The following ZBTB20 variants were observed in gnomAD, a reference collection of about 807,000 sequenced individuals.
ZBTB20 encodes the protein zinc finger and BTB domain containing 20.
Under a neutral mutation model 56.9 loss-of-function variants are expected in ZBTB20, and 9 were observed. That is an observed-to-expected ratio of 0.16 (90% CI 0.10 to 0.28). The LOEUF is 0.28. Ranked by LOEUF, ZBTB20 falls within the 10% of genes least tolerant of loss-of-function variation. The pLI is 1.00. For missense variants in ZBTB20, 655 were observed against 1,003.0 expected (o/e 0.65, Z 4.69); for synonymous variants, 417 against 420.7 (o/e 0.99, Z 0.11).
At chr3:114,538,671 C>A (rs1051532997) in intron 6 of ZBTB20, among the ~76,000 whole-genome samples, 2 of 152,138 alleles carry the variant, frequency 1.3e-5, no homozygotes, top group Non-Finnish European at 2.9e-5. Context: ...ATATTCTGCT[C>A]TCTGTCTAAG....
At chr3:114,882,350 A>C (rs913820263) in intron 4 of ZBTB20, among the ~76,000 whole-genome samples, 1 of 152,036 alleles carries the variant, frequency 6.6e-6, no homozygotes, top group African/African-American at 2.4e-5. Context: ...TAATGTTGTT[A>C]CATGTGTGTG....
intron 6 of ZBTB20, among the ~76,000 whole-genome samples, chr3:114,508,156 C>T (rs1011436589): frequency 6.6e-6 from 1 of 152,002 alleles, no homozygotes; most frequent in African/African-American, 2.4e-5. Context: ...TTTCCTGGAC[C>T]ATCTTCAAAG....
chr3:114,332,310 G>A lies in ZBTB20; in HGVS notation c.*6695C>T, dbSNP rs1187120032. 6.6e-6 allele frequency: 1 copy of A among 152,006 alleles called. No homozygotes were observed. Among genetic ancestry groups the A allele is most frequent in the Non-Finnish European group, 1.5e-5 (1 of 67,976 alleles). 9.4% of individuals were successfully genotyped at this position (152,006 alleles called of 1,614,324 possible). A position where few individuals can be genotyped will look rare whatever the true frequency, so the allele number is the denominator to read the frequency against. On this transcript the variant is annotated 3_prime_UTR_variant, in exon 12 of 12. Coordinates refer to ENST00000675478, the MANE Select transcript of ZBTB20 (RefSeq NM_001348800.3). ...CAAAGAACCACCAGATAAAACAGAT[G>A]TTCTCTAAAACTGAGGAAAAAAAGT...
chr3:114,424,720 G>A (rs943284544), intron 7 of ZBTB20, among the ~76,000 whole-genome samples: 4 of 151,944 alleles, frequency 2.6e-5, no homozygotes, highest in African/African-American at 9.7e-5. Context: ...TCAAGTTTAC[G>A]GTCTTTACTT....
intron 2 of ZBTB20, among the ~76,000 whole-genome samples, chr3:114,978,237 A>G (rs2078185120): frequency 6.7e-6 from 1 of 149,198 alleles, no homozygotes; most frequent in African/African-American, 2.4e-5. Flanking sequence ...ATGCATTTAT[A>G]AATATATTTA....
intron 2 of ZBTB20, among the ~76,000 whole-genome samples, chr3:115,070,505 A>C (rs1206758703): frequency 6.6e-6 from 1 of 152,134 alleles, no homozygotes; most frequent in African/African-American, 2.4e-5. Flanking sequence ...GAATAACCTA[A>C]GAGGGAGTCT....
chr3:114,863,124 C>T (rs1576151715), intron 4 of ZBTB20, among the ~76,000 whole-genome samples: 1 of 152,076 alleles, frequency 6.6e-6, no homozygotes, highest in African/African-American at 2.4e-5. Flanking sequence ...ACTAAGGCTT[C>T]AATTACTTGG....
At chr3:114,508,418 TA>T (rs928333362) in intron 6 of ZBTB20, among the ~76,000 whole-genome samples, 4 of 152,142 alleles carry the variant, frequency 2.6e-5, no homozygotes, top group Admixed American at 6.6e-5. Flanking sequence ...CCACTTTTCT[TA>T]AATAGAAGAT....
intron 1 of ZBTB20, among the ~76,000 whole-genome samples, chr3:115,106,611 G>A (rs1219684205): frequency 6.6e-6 from 1 of 152,084 alleles, no homozygotes; most frequent in Non-Finnish European, 1.5e-5. Flanking sequence ...AGTAGGCCAG[G>A]AGTACCATCC....
intron 3 of ZBTB20, among the ~76,000 whole-genome samples, chr3:114,952,204 G>A (rs2077090924): frequency 6.6e-6 from 1 of 152,072 alleles, no homozygotes. Context: ...TGAGTATCAG[G>A]ACCTTTAAGA....
At chr3:114,697,861 T>A (rs1283301925) in intron 5 of ZBTB20, among the ~76,000 whole-genome samples, 2 of 152,114 alleles carry the variant, frequency 1.3e-5, no homozygotes, top group African/African-American at 4.8e-5. Flanking sequence ...AGGTTCATTT[T>A]TATTCCTATA....
intron 5 of ZBTB20, among the ~76,000 whole-genome samples, chr3:114,721,552 T>C: frequency 6.6e-6 from 1 of 152,236 alleles, no homozygotes; most frequent in East Asian, 1.9e-4. Context: ...TTAATCTCCA[T>C]GCTAACCCTA....
At chr3:114,367,733 G>A (rs2108402299) in intron 10 of ZBTB20, among the ~76,000 whole-genome samples, 1 of 152,154 alleles carries the variant, frequency 6.6e-6, no homozygotes, top group African/African-American at 2.4e-5. Flanking sequence ...CTGTAAATGG[G>A]GTGTTTTGTA....
chr3:114,735,039 C>T (rs575272109), intron 5 of ZBTB20, among the ~76,000 whole-genome samples: 1 of 151,360 alleles, frequency 6.6e-6, no homozygotes, highest in South Asian at 2.1e-4. Flanking sequence ...TTTTTTTTCC[C>T]ATCAGCGTTA....
chr3:114,891,628 T>G (rs2076809715), intron 4 of ZBTB20, among the ~76,000 whole-genome samples: 1 of 152,234 alleles, frequency 6.6e-6, no homozygotes, highest in Non-Finnish European at 1.5e-5. Flanking sequence ...TATATTGTCT[T>G]TACCATGACC....
In ZBTB20 at chr3:114,329,457, T is replaced by C. The variant is rs2079166270; in HGVS notation, c.*9548A>G. 6.6e-6 allele frequency: 1 copy of C among 152,010 alleles called. No homozygotes were observed. The allele number at this position is 152,010 out of a possible 1,614,324, so 9.4% of individuals were successfully genotyped here. A position where few individuals can be genotyped will look rare whatever the true frequency, so the allele number is the denominator to read the frequency against. On this transcript the variant is annotated 3_prime_UTR_variant, in exon 12 of 12. Coordinates refer to ENST00000675478, the MANE Select transcript of ZBTB20 (RefSeq NM_001348800.3). ...TGAAGACTCTTATCTGAAAATATGA[T>C]CTGAAAATATTTATTGTATAGGAAG...
intron 6 of ZBTB20, among the ~76,000 whole-genome samples, chr3:114,686,920 A>T (rs2062375250): frequency 6.6e-6 from 1 of 152,136 alleles, no homozygotes; most frequent in Admixed American, 6.6e-5. Context: ...GTGATATGAT[A>T]GTGAACCTTC....
chr3:114,318,551 C>T lies in ZBTB20; in HGVS notation c.*20454G>A, dbSNP rs1302617683. 6.6e-6 allele frequency: 1 copy of T among 152,232 alleles called. No individual in the cohort carries two copies. The highest frequency in any genetic ancestry group is 1.5e-5 in the Non-Finnish European group (1 of 68,050). The allele number at this position is 152,232 out of a possible 1,614,324, so 9.4% of individuals were successfully genotyped here. On this transcript the variant is annotated 3_prime_UTR_variant, in exon 12 of 12. Coordinates refer to ENST00000675478, the MANE Select transcript of ZBTB20 (RefSeq NM_001348800.3). ...CCCACTGAGAGGGTGAAGTCCCACTCACATTTTACTTCGTGAGACCTCAAC... is the reference window on the plus strand; with the variant it reads ...CCCACTGAGAGGGTGAAGTCCCACTTACATTTTACTTCGTGAGACCTCAAC...
intron 7 of ZBTB20, among the ~76,000 whole-genome samples, chr3:114,408,265 G>C (rs1309377699): frequency 6.6e-6 from 1 of 152,166 alleles, no homozygotes; most frequent in Non-Finnish European, 1.5e-5. Context: ...CAGAGAATTT[G>C]CAAGAAACTT....
Sources: allele counts gnomAD v4.1 joint callset (sites outside exome capture counted in the v4.1 genomes callset), GRCh38; gene constraint gnomAD v4.1.1; transcripts MANE v1.5; gene names NCBI Gene and HGNC (gene_info 2026-07-23, HGNC 2026-07-21).